Variants in ADAD1 observed in about 807,000 individuals in gnomAD.
ADAD1 encodes adenosine deaminase domain-containing protein 1.
ADAD1 carries 46 observed loss-of-function variants against 66.8 expected under a neutral mutation model. That is an observed-to-expected ratio of 0.69 (90% CI 0.54 to 0.88). ADAD1 has a LOEUF of 0.88. ADAD1 is among the 40% of genes least tolerant of loss of function. The pLI, the probability that ADAD1 is intolerant of heterozygous loss-of-function variation, is 0.00. For synonymous variants in ADAD1, 248 were observed against 229.4 expected, an observed-to-expected ratio of 1.08 and a Z score of -0.73; for missense variants, 617 against 681.8, an observed-to-expected ratio of 0.91 and a Z score of 1.06.
intron 3 of ADAD1, 80 bp from the exon 4 acceptor site, chr4:122,380,912 T>G (rs1411194054): frequency 7.7e-7 from 1 of 1,299,688 alleles, no homozygotes; most frequent in African/African-American, 1.5e-5. Flanking sequence ...AACCTTCCAT[T>G]TCGGGGAGGA....
chr4:122,426,998 C>T (rs1334485221), intron 12 of ADAD1, among the ~76,000 whole-genome samples: 7 of 151,814 alleles, frequency 4.6e-5, no homozygotes, highest in Non-Finnish European at 8.8e-5. Context: ...CAGTGCAGCA[C>T]GGAAAGAAAA....
At chr4:122,427,395 A>G (rs1033460515) in intron 12 of ADAD1, among the ~76,000 whole-genome samples, 1 of 152,184 alleles carries the variant, frequency 6.6e-6, no homozygotes, top group African/African-American at 2.4e-5. Flanking sequence ...ATGCATTGGA[A>G]AACAGTATTG....
intron 4 of ADAD1, among the ~76,000 whole-genome samples, chr4:122,383,217 T>C (rs1794989529): frequency 6.6e-6 from 1 of 152,124 alleles, no homozygotes; most frequent in South Asian, 2.1e-4. Flanking sequence ...TTTCTCTTCC[T>C]CTCTCTCCCC....
At chr4:122,379,537 C>G (rs1264168763) in intron 2 of ADAD1, 92 bp downstream of exon 2, 1 of 153,146 alleles carries the variant, frequency 6.5e-6, no homozygotes, top group East Asian at 1.9e-4. Flanking sequence ...GGCCCTGACC[C>G]TGTGAACCTC....
intron 11 of ADAD1, among the ~76,000 whole-genome samples, chr4:122,418,127 TG>T (rs780950322): frequency 6.6e-5 from 10 of 151,688 alleles, no homozygotes; most frequent in Non-Finnish European, 1.5e-4. Context: ...AAATCACCAA[TG>T]TCATATAAAA....
chr4:122,391,702 T>A (rs1346317195), intron 5 of ADAD1, among the ~76,000 whole-genome samples: 2 of 152,148 alleles, frequency 1.3e-5, no homozygotes, highest in Non-Finnish European at 2.9e-5. Flanking sequence ...TTGTCTTTTT[T>A]GTTTGTTTGT....
At chr4:122,413,431 A>G (rs1286871850) in intron 10 of ADAD1, among the ~76,000 whole-genome samples, 1 of 152,048 alleles carries the variant, frequency 6.6e-6, no homozygotes, top group African/African-American at 2.4e-5. Context: ...AGTAATCTGG[A>G]AAAAAATTCT....
intron 5 of ADAD1, among the ~76,000 whole-genome samples, chr4:122,390,290 AG>A (rs1795371891): frequency 6.6e-6 from 1 of 152,000 alleles, no homozygotes; most frequent in Non-Finnish European, 1.5e-5. Context: ...TGCCCTTAAT[AG>A]TTTTTCCTTC....
At chr4:122,390,261 C>T (rs1029889259) in intron 5 of ADAD1, among the ~76,000 whole-genome samples, 1 of 152,178 alleles carries the variant, frequency 6.6e-6, no homozygotes, top group Non-Finnish European at 1.5e-5. Flanking sequence ...TTGTAGGTGA[C>T]CTGGCCTTTC....
rs754513934 is a variant in ADAD1, at chr4:122,383,837, G to C, written c.400G>C (p.Val134Leu). ...ACCATATTTTGCCTTTTGTGCTGTG[G>C]TGGATGGTATTCAGTACAAGACTGG... Reference protein sequence around the residue: ...MGPYFAFCAVVDGIQYKTGLG... With the variant: ...MGPYFAFCAVLDGIQYKTGLG... Residue 134 changes from valine to leucine, a missense_variant, in exon 5 of 13, where the codon GTG becomes CTG. By Grantham distance (32) the Val-to-Leu change is conservative. Transcript: ENST00000296513. The C allele has an allele frequency of 1.2e-6, 2 of 1,612,774 alleles. No individual in the cohort carries two copies. The highest frequency in any genetic ancestry group is 1.7e-6 in the Non-Finnish European group (2 of 1,179,568).
intron 9 of ADAD1, 38 bp downstream of exon 9, chr4:122,411,430 A>G (rs761893234): frequency 3.2e-6 from 5 of 1,562,650 alleles, no homozygotes; most frequent in Non-Finnish European, 4.4e-6. Flanking sequence ...AGCAAGTAGG[A>G]TGGCCATGCC....
At chr4:122,421,157 TAATC>T (rs1267852919) in intron 11 of ADAD1, 100 bp from the exon 12 acceptor site, 26 of 913,790 alleles carry the variant, frequency 2.8e-5, no homozygotes, top group African/African-American at 1.4e-4. Context: ...ATATTGCAAA[TAATC>T]AAGAAATATT....
chr4:122,407,166 C>T (rs556484393), intron 7 of ADAD1, among the ~76,000 whole-genome samples: 32 of 151,970 alleles, frequency 2.1e-4, no homozygotes, highest in Non-Finnish European at 4.0e-4. Context: ...TAGAACTGAA[C>T]TTTGTTTGAA....
chr4:122,398,815 A>ATGGGATTATTTTTTTTTTTCTTGC (rs1795833712), intron 7 of ADAD1, among the ~76,000 whole-genome samples: 2 of 149,744 alleles, frequency 1.3e-5, no homozygotes, highest in African/African-American at 4.9e-5. Context: ...CATTTTTTTG[A>ATGGGATTATTTTTTTTTTTCTTGC]TGGGATTATT....
chr4:122,415,226 GGA>G (rs1341171634), intron 10 of ADAD1, among the ~76,000 whole-genome samples, 151 bp from the exon 11 acceptor site: 1 of 152,102 alleles, frequency 6.6e-6, no homozygotes, highest in Non-Finnish European at 1.5e-5. Context: ...TTAAGAATAT[GGA>G]GTAGATGCTA....
At chr4:122,406,995 C>G (rs1796243073) in intron 7 of ADAD1, among the ~76,000 whole-genome samples, 1 of 151,872 alleles carries the variant, frequency 6.6e-6, no homozygotes, top group Non-Finnish European at 1.5e-5. Context: ...ATGTCTTGCT[C>G]AACATTTTAT....
At chr4:122,382,375 G>A (rs72928020) in intron 4 of ADAD1, among the ~76,000 whole-genome samples, 12,944 of 152,216 alleles carry the variant, frequency 0.085, 1,873 homozygotes, top group African/African-American at 0.29. Context: ...ACTAAAGTTT[G>A]AGAACCTGAG....
intron 7 of ADAD1, among the ~76,000 whole-genome samples, chr4:122,400,392 G>A (rs2150562198): frequency 6.6e-6 from 1 of 152,034 alleles, no homozygotes; most frequent in South Asian, 2.1e-4. Context: ...TTATGCTCTT[G>A]GATTCAGTTA....
Position 122,396,324 on chromosome 4 carries a change from G to C in ADAD1, c.671G>C (p.Arg224Pro). 6.2e-7 allele frequency: 1 copy of C among 1,604,062 alleles called. No individual in the cohort carries two copies. Among genetic ancestry groups the C allele is most frequent in the Non-Finnish European group, 8.5e-7 (1 of 1,175,388 alleles). Reference sequence around the variant, plus strand: ...AGATTTAATCAACTAATTTCTAATCGTTCAGAATACCTGAAATATAGCAGT... The same window carrying C: ...AGATTTAATCAACTAATTTCTAATCCTTCAGAATACCTGAAATATAGCAGT... Reference protein sequence around the residue: ...KERFNQLISNRSEYLKYSSSL... With the variant: ...KERFNQLISNPSEYLKYSSSL... The change falls in exon 7 of 13, where the codon CGT becomes CCT. Residue 224 changes from arginine to proline, a missense_variant. Transcript: ENST00000296513.
Sources: gnomAD v4.1 joint callset for allele counts (sites outside exome capture counted in the v4.1 genomes callset) on GRCh38, gnomAD v4.1.1 for gene constraint, MANE v1.5 for transcripts, NCBI Gene and HGNC (gene_info 2026-07-23, HGNC 2026-07-21) for gene names.